The following PINX1 variants were observed in gnomAD, a reference collection of about 807,000 sequenced individuals.
PINX1 encodes the protein PIN2 (TERF1) interacting telomerase inhibitor 1, also known as PIN2/TERF1-interacting telomerase inhibitor 1.
PINX1 carries 34 observed loss-of-function variants against 25.4 expected under a neutral mutation model. That is an observed-to-expected ratio of 1.34 (90% CI 1.02 to 1.78). The LOEUF is 1.78. PINX1 is among the 40% of genes most tolerant of loss of function. The probability of loss-of-function intolerance (pLI) is 0.00; values close to 1 mark genes in which losing one functional copy is unlikely to be tolerated. For missense variants in PINX1, 592 were observed against 404.9 expected (o/e 1.46, Z -3.97); for synonymous variants, 197 against 147.7 (o/e 1.33, Z -2.42).
At chr8:10,779,144 C>T (rs949009417) in intron 6 of PINX1, among the ~76,000 whole-genome samples, 15 of 152,146 alleles carry the variant, frequency 9.9e-5, no homozygotes, top group Non-Finnish European at 1.6e-4. Flanking sequence ...TTTAAGACTG[C>T]CTACAATCTA....
intron 6 of PINX1, among the ~76,000 whole-genome samples, chr8:10,814,463 A>G (rs182207760): frequency 3.3e-5 from 5 of 152,236 alleles, no homozygotes; most frequent in African/African-American, 1.2e-4. Context: ...GCAATGAAAA[A>G]CAGCCACAGC....
chr8:10,794,947 A>T (rs1045868871), intron 6 of PINX1, among the ~76,000 whole-genome samples: 2 of 152,198 alleles, frequency 1.3e-5, no homozygotes, highest in Non-Finnish European at 2.9e-5. Flanking sequence ...GAGAGATTTA[A>T]CATTGCTGAA....
intron 6 of PINX1, among the ~76,000 whole-genome samples, chr8:10,777,791 C>A (rs1254439111): frequency 1.3e-5 from 2 of 152,162 alleles, no homozygotes; most frequent in Non-Finnish European, 2.9e-5. Context: ...TCGCACTCTG[C>A]CCGTCACTGC....
At chr8:10,813,230 G>A (rs1006141495) in intron 6 of PINX1, among the ~76,000 whole-genome samples, 3 of 152,176 alleles carry the variant, frequency 2.0e-5, no homozygotes, top group Admixed American at 6.5e-5. Flanking sequence ...TGTGGAGTGG[G>A]GGGAGGGTAG....
chr8:10,793,296 G>C (rs1189878023), intron 6 of PINX1, among the ~76,000 whole-genome samples: 1 of 152,126 alleles, frequency 6.6e-6, no homozygotes, highest in Non-Finnish European at 1.5e-5. Context: ...AAGTTCTTCT[G>C]AGCCAAGAGT....
intron 3 of PINX1, among the ~76,000 whole-genome samples, chr8:10,832,420 T>C (rs1381766080): frequency 6.6e-6 from 1 of 152,210 alleles, no homozygotes; most frequent in East Asian, 1.9e-4. Flanking sequence ...GAATATGAAA[T>C]AGGTTTACTG....
chr8:10,806,746 C>G (rs373200002), intron 6 of PINX1, among the ~76,000 whole-genome samples: 1 of 152,106 alleles, frequency 6.6e-6, no homozygotes, highest in South Asian at 2.1e-4. Context: ...AGAGGCTCTG[C>G]CGGCAGGCCC....
chr8:10,808,047 T>A (rs2129082216), intron 6 of PINX1, among the ~76,000 whole-genome samples: 1 of 152,320 alleles, frequency 6.6e-6, no homozygotes, highest in South Asian at 2.1e-4. Flanking sequence ...ATGCTTTTGT[T>A]TCCCATCAGA....
intron 6 of PINX1, among the ~76,000 whole-genome samples, chr8:10,795,461 C>T (rs541071089): frequency 6.6e-6 from 1 of 152,304 alleles, no homozygotes; most frequent in South Asian, 2.1e-4. Flanking sequence ...AGTGCGGTGG[C>T]GCGATCTCGG....
At chr8:10,784,674 A>C (rs568860812) in intron 6 of PINX1, among the ~76,000 whole-genome samples, 1 of 152,318 alleles carries the variant, frequency 6.6e-6, no homozygotes, top group African/African-American at 2.4e-5. Context: ...CAGGCCCACA[A>C]AATGCTTCAA....
At chr8:10,805,181 G>C (rs1279082930) in intron 6 of PINX1, among the ~76,000 whole-genome samples, 3 of 152,226 alleles carry the variant, frequency 2.0e-5, no homozygotes, top group Non-Finnish European at 4.4e-5. Context: ...CCAGGGGCAA[G>C]TTACCTGACC....
At chr8:10,811,949 A>C (rs1797536290) in intron 6 of PINX1, among the ~76,000 whole-genome samples, 1 of 152,184 alleles carries the variant, frequency 6.6e-6, no homozygotes, top group African/African-American at 2.4e-5. Flanking sequence ...TTAGAAGAGC[A>C]TGTGGAATGA....
At chr8:10,777,686 T>C (rs1377411893) in intron 6 of PINX1, among the ~76,000 whole-genome samples, 1 of 152,054 alleles carries the variant, frequency 6.6e-6, no homozygotes, top group Non-Finnish European at 1.5e-5. Context: ...AAAAAACACA[T>C]GGATTTTGCA....
intron 1 of PINX1, 61 bp from the exon 2 acceptor site, chr8:10,834,836 A>C: frequency 3.5e-6 from 4 of 1,128,428 alleles, no homozygotes; most frequent in Non-Finnish European, 4.0e-6. Context: ...TACCACACAA[A>C]CATACACATG....
At chr8:10,827,909 T>TAA (rs1798106615) in intron 4 of PINX1, among the ~76,000 whole-genome samples, 1 of 65,918 alleles carries the variant, frequency 1.5e-5, no homozygotes. Flanking sequence ...AGACTCCATC[T>TAA]CAAAAAAAAA....
At chr8:10,795,133 C>A (rs1172044062) in intron 6 of PINX1, among the ~76,000 whole-genome samples, 3 of 152,162 alleles carry the variant, frequency 2.0e-5, no homozygotes, top group Admixed American at 2.0e-4. Flanking sequence ...AAGATTAATT[C>A]ATTCAAAAAA....
chr8:10,765,840 G>C lies in PINX1; in HGVS notation c.548C>G (p.Ala183Gly), dbSNP rs746646257. Reference protein sequence around the residue: ...TSAFTIQEYFAKRMAALKNKP... With the variant: ...TSAFTIQEYFGKRMAALKNKP... ...GTTCTTCAGTGCTGCCATCCGCTTG[G>C]CAAAGTACTCCTGGATGGTGAAGGC... is the stretch of plus-strand genomic sequence containing the variant. The change falls in exon 7 of 7, where the codon GCC becomes GGC. Residue 183 changes from alanine to glycine, a missense_variant. Physicochemically the swap from Ala to Gly is moderately conservative, Grantham distance 60 (BLOSUM62 0). Transcript: ENST00000314787. 6.2e-7 allele frequency: 1 copy of C among 1,613,920 alleles called. No homozygotes were observed.
At position 10,792,647 on chromosome 8, in the gene PINX1, C is replaced by T. The variant is rs73662626; in HGVS notation, c.472-26731G>A. The stretch of plus-strand genomic sequence containing the variant: ...TGAAAGGCTTGCAGATGGTACACCA[C>T]ATACACGCCGCCGGTACTCTGGCAA... On this transcript the variant is annotated intron_variant, in intron 6 of 6. Transcript: ENST00000314787. Among the ~76,000 whole-genome samples the T allele has an allele frequency of 5.8e-3, 884 of 152,278 alleles. 9 individuals are homozygous for T. The highest frequency in any genetic ancestry group is 0.02 in the African/African-American group (836 of 41,564).
In PINX1 at chr8:10,775,873, C is replaced by G. The variant is rs538811282; in HGVS notation, c.472-9957G>C. On this transcript the variant is annotated intron_variant, in intron 6 of 6. Transcript: ENST00000314787. ...TTTTTCACATGACTTTCTTCAAACA[C>G]AATCTTAAACAGAAGGCCAATCTGT... Among the ~76,000 whole-genome samples the G allele has an allele frequency of 5.3e-5, 8 of 152,252 alleles. No individual in the cohort carries two copies. In the South Asian group the frequency reaches 1.7e-3, roughly 32 times the overall value.
Sources: gnomAD v4.1 joint callset for allele counts (sites outside exome capture counted in the v4.1 genomes callset) on GRCh38, gnomAD v4.1.1 for gene constraint, MANE v1.5 for transcripts, NCBI Gene and HGNC (gene_info 2026-07-23, HGNC 2026-07-21) for gene names.